The following PTPRD variants were observed in gnomAD, a reference collection of about 807,000 sequenced individuals.
The protein encoded by PTPRD is protein tyrosine phosphatase receptor type D.
Under a neutral mutation model 214.5 loss-of-function variants are expected in PTPRD, and 34 were observed. The ratio of observed to expected loss-of-function variants is 0.16; its 90% confidence interval spans 0.12 to 0.21. The LOEUF (loss-of-function observed/expected upper bound fraction) is 0.21. Ranked by LOEUF, PTPRD falls within the 10% of genes least tolerant of loss-of-function variation. The pLI, the probability that PTPRD is intolerant of heterozygous loss-of-function variation, is 1.00. For synonymous variants in PTPRD, 1,128 were observed against 845.7 expected (o/e 1.33, Z -5.79); for missense variants, 2,545 against 2,398.7 (o/e 1.06, Z -1.27).
At chr9:9,265,270 T>G (rs1055900173) in intron 9 of PTPRD, among the ~76,000 whole-genome samples, 21 of 151,778 alleles carry the variant, frequency 1.4e-4, no homozygotes, top group African/African-American at 5.1e-4. Flanking sequence ...TGTTTATTTA[T>G]TTATTTTTAG....
intron 11 of PTPRD, among the ~76,000 whole-genome samples, chr9:8,908,442 A>C (rs1356462420): frequency 6.6e-6 from 1 of 152,196 alleles, no homozygotes; most frequent in Admixed American, 6.5e-5. Context: ...ACAGAAAAAA[A>C]TTGGGAGATA....
At chr9:9,474,237 G>A (rs1461395465) in intron 8 of PTPRD, among the ~76,000 whole-genome samples, 2 of 151,910 alleles carry the variant, frequency 1.3e-5, no homozygotes, top group Non-Finnish European at 2.9e-5. Flanking sequence ...TATCTTCTTG[G>A]TACCTCTATA....
Position 9,398,303 on chromosome 9 carries a change from T to C in PTPRD, c.-236-821A>G, listed in dbSNP as rs183797854. 1.7e-3 allele frequency among the ~76,000 whole-genome samples: 259 copies of C among 152,142 alleles called. 1 individual carries two copies. Among genetic ancestry groups the C allele is most frequent in the African/African-American group, 6.0e-3 (249 of 41,554 alleles). On this transcript the variant is annotated intron_variant, in intron 8 of 45. Coordinates refer to ENST00000381196, the MANE Select transcript of PTPRD (RefSeq NM_002839.4). ...CATATTTTATATGTTTATTACAGTA[T>C]TTATCAGATTCTATTTTGTGTGTTT...
intron 4 of PTPRD, among the ~76,000 whole-genome samples, chr9:10,028,981 G>A (rs1005433134): frequency 6.6e-6 from 1 of 152,090 alleles, no homozygotes; most frequent in Non-Finnish European, 1.5e-5. Flanking sequence ...GGGTCCCTGG[G>A]CTGTGTGCCG....
intron 2 of PTPRD, among the ~76,000 whole-genome samples, chr9:10,550,411 G>C (rs1287207935): frequency 6.6e-6 from 1 of 152,170 alleles, no homozygotes; most frequent in Non-Finnish European, 1.5e-5. Context: ...GTTAGTCTAG[G>C]ATTTAATTCC....
At chr9:9,886,569 T>A (rs1490007099) in intron 5 of PTPRD, among the ~76,000 whole-genome samples, 1 of 152,128 alleles carries the variant, frequency 6.6e-6, no homozygotes, top group Non-Finnish European at 1.5e-5. Flanking sequence ...ATATCTTCTA[T>A]CTCAGAAGAA....
intron 2 of PTPRD, among the ~76,000 whole-genome samples, chr9:10,554,405 G>A (rs1439384750): frequency 6.6e-6 from 1 of 152,008 alleles, no homozygotes; most frequent in Non-Finnish European, 1.5e-5. Context: ...TTTCATATCT[G>A]TGTGGCTTTA....
intron 2 of PTPRD, among the ~76,000 whole-genome samples, chr9:10,359,834 A>G (rs560893536): frequency 1.1e-4 from 17 of 152,290 alleles, no homozygotes; most frequent in Admixed American, 1.1e-3. Context: ...GGATAATGAT[A>G]TGGTTTTAAA....
intron 3 of PTPRD, among the ~76,000 whole-genome samples, chr9:10,090,958 A>ACACACG (rs1372071910): frequency 7.0e-5 from 9 of 127,952 alleles, no homozygotes; most frequent in Non-Finnish European, 1.5e-4. Context: ...ACACACACAC[A>ACACACG]CATGCATGTG....
At chr9:10,273,015 G>A (rs1240181801) in intron 3 of PTPRD, among the ~76,000 whole-genome samples, 1 of 152,208 alleles carries the variant, frequency 6.6e-6, no homozygotes, top group African/African-American at 2.4e-5. Context: ...AAACCCACAG[G>A]AAAAATTGGC....
chr9:10,226,973 G>C (rs1004548024), intron 3 of PTPRD, among the ~76,000 whole-genome samples: 2 of 151,972 alleles, frequency 1.3e-5, no homozygotes, highest in African/African-American at 2.4e-5. Flanking sequence ...TGTTTTTGTA[G>C]AGGACTGATG....
At chr9:10,086,869 T>A (rs939288951) in intron 3 of PTPRD, among the ~76,000 whole-genome samples, 1 of 151,834 alleles carries the variant, frequency 6.6e-6, no homozygotes, top group African/African-American at 2.4e-5. Flanking sequence ...TATATGTGCA[T>A]CCATCTATAA....
At chr9:9,165,798 C>T (rs532012441) in intron 10 of PTPRD, among the ~76,000 whole-genome samples, 2 of 151,966 alleles carry the variant, frequency 1.3e-5, no homozygotes, top group African/African-American at 2.4e-5. Flanking sequence ...TCTTTGAAGG[C>T]TAAACTTGAT....
chr9:10,144,102 A>T (rs1049691210), intron 3 of PTPRD, among the ~76,000 whole-genome samples: 13 of 152,126 alleles, frequency 8.5e-5, no homozygotes, highest in African/African-American at 3.1e-4. Context: ...CTAAAGAAAA[A>T]AATAAAGTAA....
intron 2 of PTPRD, among the ~76,000 whole-genome samples, chr9:10,594,863 T>C (rs2076269529): frequency 6.6e-6 from 1 of 151,988 alleles, no homozygotes; most frequent in South Asian, 2.1e-4. Context: ...AATACCATAT[T>C]AAATGAAAAA....
intron 4 of PTPRD, among the ~76,000 whole-genome samples, chr9:10,018,290 CCTTT>C (rs2096766036): frequency 6.6e-6 from 1 of 151,684 alleles, no homozygotes; most frequent in African/African-American, 2.4e-5. Flanking sequence ...GGGATTTTTC[CCTTT>C]CTATCTCTTT....
At chr9:8,653,096 C>CA (rs1380393337) in intron 12 of PTPRD, among the ~76,000 whole-genome samples, 1 of 152,076 alleles carries the variant, frequency 6.6e-6, no homozygotes, top group Non-Finnish European at 1.5e-5. Flanking sequence ...GTAACCTAGA[C>CA]AGAGTAAAAG....
chr9:9,897,491 T>C (rs2075317642), intron 5 of PTPRD, among the ~76,000 whole-genome samples: 1 of 152,116 alleles, frequency 6.6e-6, no homozygotes, highest in Non-Finnish European at 1.5e-5. Flanking sequence ...ATATAGTTAA[T>C]ATTTTTCATC....
chr9:9,390,654 C>A (rs201572343), intron 9 of PTPRD, among the ~76,000 whole-genome samples: 2 of 152,170 alleles, frequency 1.3e-5, no homozygotes, highest in Non-Finnish European at 2.9e-5. Flanking sequence ...GATCTCATTA[C>A]AACTTTTAGT....
Sources: allele counts gnomAD v4.1 joint callset (sites outside exome capture counted in the v4.1 genomes callset), GRCh38; gene constraint gnomAD v4.1.1; transcripts MANE v1.5; gene names NCBI Gene and HGNC (gene_info 2026-07-23, HGNC 2026-07-21).